The following KANK1 variants were observed in gnomAD, a reference collection of about 807,000 sequenced individuals.
KANK1 encodes KN motif and ankyrin repeat domains 1, also known as KN motif and ankyrin repeat domain-containing protein 1.
Under a neutral mutation model 106.2 loss-of-function variants are expected in KANK1, and 109 were observed. The ratio of observed to expected loss-of-function variants is 1.03; its 90% CI spans 0.88 to 1.20. KANK1 has a LOEUF of 1.20. Ranked by LOEUF, KANK1 falls within the 50% of genes most tolerant of loss-of-function variation. The pLI is 0.00. For missense variants in KANK1, 2,399 were observed against 1,710.7 expected, an observed-to-expected ratio of 1.40 and a Z score of -7.10; for synonymous variants, 873 against 652.2, an observed-to-expected ratio of 1.34 and a Z score of -5.16.
In KANK1 at chr9:690,538, G is replaced by A. The variant is rs79310868; in HGVS notation, c.37+13529G>A. On this transcript the variant is annotated intron_variant, in intron 2 of 11. Transcript: ENST00000382297. ...TATGTATAAGGCACCTGCAGCAGTGGAGTCCAGAAGAATTGTGCACAGTGG... is the reference window on the plus strand; with the variant it reads ...TATGTATAAGGCACCTGCAGCAGTGAAGTCCAGAAGAATTGTGCACAGTGG... Among the ~76,000 whole-genome samples, 508 of 152,206 alleles carry A rather than the reference G, an allele frequency of 3.3e-3. 4 individuals are homozygous for A. The highest frequency in any genetic ancestry group is 0.012 in the African/African-American group (485 of 41,514).
At chr9:587,911 C>T (rs945681669) in intron 1 of KANK1, among the ~76,000 whole-genome samples, 2 of 152,062 alleles carry the variant, frequency 1.3e-5, no homozygotes, top group African/African-American at 4.8e-5. Context: ...AATAAAAATA[C>T]AAAAATTAGC....
At chr9:542,232 C>G (rs955292684) in intron 1 of KANK1, among the ~76,000 whole-genome samples, 3 of 152,042 alleles carry the variant, frequency 2.0e-5, no homozygotes, top group African/African-American at 2.4e-5. Flanking sequence ...GATGCAGTGG[C>G]TCATGCCTGT....
intron 1 of KANK1, among the ~76,000 whole-genome samples, chr9:623,676 A>T (rs956529628): frequency 2.6e-5 from 4 of 152,188 alleles, no homozygotes; most frequent in Non-Finnish European, 5.9e-5. Context: ...AGAAATGCAA[A>T]TCAAAACCAC....
chr9:702,246 C>T (rs1287293599), intron 2 of KANK1, among the ~76,000 whole-genome samples: 1 of 152,034 alleles, frequency 6.6e-6, no homozygotes, highest in East Asian at 1.9e-4. Context: ...ATGATGCCAA[C>T]CTAAGACAAC....
intron 1 of KANK1, among the ~76,000 whole-genome samples, chr9:672,496 C>G (rs1326075572): frequency 6.6e-6 from 1 of 152,054 alleles, no homozygotes; most frequent in African/African-American, 2.4e-5. Flanking sequence ...TTTTATATTT[C>G]AATAACTAAT....
chr9:668,508 C>T (rs756214187), intron 1 of KANK1, among the ~76,000 whole-genome samples: 1 of 151,988 alleles, frequency 6.6e-6, no homozygotes, highest in East Asian at 1.9e-4. Flanking sequence ...GGAGAATTAC[C>T]GTTTTGTTTC....
chr9:701,767 T>C (rs1029938359), intron 2 of KANK1, among the ~76,000 whole-genome samples: 1 of 152,230 alleles, frequency 6.6e-6, no homozygotes, highest in Non-Finnish European at 1.5e-5. Flanking sequence ...TTTCCTGCGA[T>C]CTAATCTTCT....
At chr9:501,105 C>G (rs896114921), upstream of KANK1, among the ~76,000 whole-genome samples, 1 of 152,112 alleles carries the variant, frequency 6.6e-6, no homozygotes, top group South Asian at 2.1e-4. Flanking sequence ...CGGGTTCTTT[C>G]AAGCTTGAGC....
intron 1 of KANK1, among the ~76,000 whole-genome samples, chr9:541,969 G>A (rs1329690389): frequency 6.6e-6 from 1 of 150,986 alleles, no homozygotes; most frequent in African/African-American, 2.4e-5. Context: ...GGCCCCTGTA[G>A]TCCCAGCTAC....
intron 1 of KANK1, among the ~76,000 whole-genome samples, chr9:658,120 A>G (rs1040576791): frequency 1.3e-5 from 2 of 152,126 alleles, no homozygotes; most frequent in African/African-American, 4.8e-5. Flanking sequence ...GAAATCCTCT[A>G]TGTGAAATCT....
Position 745,198 on chromosome 9 carries a change from C to T in KANK1, c.4022C>T (p.Thr1341Met), listed in dbSNP as rs757908060. The T allele has an allele frequency of 1.4e-5, 22 of 1,613,864 alleles. 1 individual carries two copies. Among genetic ancestry groups the T allele is most frequent in the East Asian group, 1.3e-4 (6 of 44,888 alleles). ...SPGTPRLGRKTSPGPTHRGSF... is the reference protein window; with the variant it reads ...SPGTPRLGRKMSPGPTHRGSF... ...GGCACCCCTAGGCTTGGAAGGAAGA[C>T]GTCTCCTGGCCCCACCCACCGAGGT... is the stretch of plus-strand genomic sequence containing the variant. The change falls in exon 12 of 12, where the codon ACG (threonine) becomes ATG (methionine). Residue 1341 changes from threonine (T) to methionine (M), a missense_variant. Coordinates refer to ENST00000382297, the MANE Select transcript of KANK1 (RefSeq NM_015158.5).
chr9:711,153 C>A lies in KANK1; in HGVS notation c.387C>A (p.Leu129=). ...SKPPPPLETS[L]PFLTIPENRQ... ...CACCTCCCCCTCTGGAGACCTCACT[C>A]CCTTTTCTTACCATCCCAGAAAATC... The change falls in exon 3 of 12, where the codon CTC becomes CTA. Residue 129 remains leucine, a synonymous_variant. Transcript: ENST00000382297. 6.2e-7 allele frequency: 1 copy of A among 1,614,202 alleles called. No individual in the cohort carries two copies. Among genetic ancestry groups the A allele is most frequent in the Non-Finnish European group, 8.5e-7 (1 of 1,180,036 alleles).
At chr9:479,239 G>C (rs982957749) in intron 3 of KANK1, among the ~76,000 whole-genome samples, 1 of 152,200 alleles carries the variant, frequency 6.6e-6, no homozygotes, top group African/African-American at 2.4e-5. Context: ...AGACGCATAA[G>C]CTATTAGTCA....
At chr9:634,442 A>C (rs1209361876) in intron 1 of KANK1, among the ~76,000 whole-genome samples, 1 of 152,176 alleles carries the variant, frequency 6.6e-6, no homozygotes, top group South Asian at 2.1e-4. Flanking sequence ...CTTAGGTTCT[A>C]TAGTAGTGAT....
chr9:735,018 T>G (rs781522381), intron 7 of KANK1, among the ~76,000 whole-genome samples, 183 bp downstream of exon 7: 8 of 152,178 alleles, frequency 5.3e-5, no homozygotes, highest in Non-Finnish European at 1.2e-4. Context: ...TGCCAGCGTT[T>G]CCTTGAGGCC....
intron 1 of KANK1, among the ~76,000 whole-genome samples, chr9:611,778 G>C (rs1471407342): frequency 6.6e-6 from 1 of 152,146 alleles, no homozygotes; most frequent in Non-Finnish European, 1.5e-5. Context: ...GAGTGCAGCG[G>C]TGCAGTCTCA....
chr9:687,859 A>C (rs1818921944), intron 2 of KANK1, among the ~76,000 whole-genome samples: 1 of 152,218 alleles, frequency 6.6e-6, no homozygotes, highest in African/African-American at 2.4e-5. Flanking sequence ...TGTGTGCGTC[A>C]CTAATCTTAT....
At chr9:509,086 C>A (rs1017762207) in intron 1 of KANK1, among the ~76,000 whole-genome samples, 1 of 152,034 alleles carries the variant, frequency 6.6e-6, no homozygotes, top group Non-Finnish European at 1.5e-5. Flanking sequence ...GGCAAATGGA[C>A]AAAATATGAC....
At chr9:742,788 G>A (rs1396812443) in intron 10 of KANK1, among the ~76,000 whole-genome samples, 1 of 152,164 alleles carries the variant, frequency 6.6e-6, no homozygotes, top group Non-Finnish European at 1.5e-5. Context: ...TTAGAGGCTG[G>A]GGTTACACGG....
Sources: allele counts gnomAD v4.1 joint callset (sites outside exome capture counted in the v4.1 genomes callset), GRCh38; gene constraint gnomAD v4.1.1; transcripts MANE v1.5; gene names NCBI Gene and HGNC (gene_info 2026-07-23, HGNC 2026-07-21).